The following LMO4 variants were observed in gnomAD, a reference collection of about 807,000 sequenced individuals.
LMO4 encodes the protein LIM domain only 4.
In LMO4, 3 loss-of-function variants were observed where a neutral mutation model predicts 18.5. That is an observed-to-expected ratio of 0.16 (90% confidence interval 0.07 to 0.42). The LOEUF is 0.42. Ranked by LOEUF, LMO4 falls within the 10% of genes least tolerant of loss-of-function variation. The pLI is 0.99. For missense variants in LMO4, 121 were observed against 219.9 expected (o/e 0.55, Z 2.84); for synonymous variants, 100 against 88.1 (o/e 1.14, Z -0.76).
intron 2 of LMO4, among the ~76,000 whole-genome samples, chr1:87,335,255 A>G (rs1444647378): frequency 1.3e-5 from 2 of 152,174 alleles, no homozygotes; most frequent in African/African-American, 4.8e-5. Flanking sequence ...TCGGGCCCGA[A>G]GACTGGCGCG....
chr1:87,339,806 C>T (rs1046089695), intron 3 of LMO4, among the ~76,000 whole-genome samples, 174 bp downstream of exon 3: 2 of 152,162 alleles, frequency 1.3e-5, no homozygotes, highest in African/African-American at 4.8e-5. Context: ...GCACAGACCA[C>T]GCTTCCCCTA....
At chr1:87,343,614 T>A (rs561729855) in intron 4 of LMO4, among the ~76,000 whole-genome samples, 2 of 152,226 alleles carry the variant, frequency 1.3e-5, no homozygotes, top group Non-Finnish European at 1.5e-5. Context: ...CTAGTCTACA[T>A]GTCACTTCGC....
rs1195583841 is a variant in LMO4, at chr1:87,331,912, G to C, written c.-3-101G>C. 21 of 944,366 alleles carry C rather than the reference G, an allele frequency of 2.2e-5. No individual in the cohort carries two copies. The Admixed American group carries it at 4.2e-4, about 19-fold the overall frequency. 58.5% of individuals were successfully genotyped at this position (944,366 alleles called of 1,614,324 possible). A position where few individuals can be genotyped will look rare whatever the true frequency, so the allele number is the denominator to read the frequency against. On this transcript the variant is annotated intron_variant, in intron 1 of 4. Transcript: ENST00000370544. The stretch of plus-strand genomic sequence containing the variant: ...TGCTGTTTCCTTCCAGCAGCTCCGC[G>C]GGGAGGAGGGGAATGGGCTTGCTCT...
chr1:87,348,724 A>ACCCCC lies in LMO4; in HGVS notation c.*3928_*3929insCCCCC. On this transcript the variant is annotated 3_prime_UTR_variant, in exon 5 of 5. Transcript: ENST00000370544. ...AGTGAATACTGTTTTCAGTTGTGCAAGAAGTGCTTTATGCTAGTAGATATG... is the reference window on the plus strand; with the variant it reads ...AGTGAATACTGTTTTCAGTTGTGCAACCCCCGAAGTGCTTTATGCTAGTAGATATG... The ACCCCC allele has an allele frequency of 1.9e-6, 1 of 515,678 alleles. No individual in the cohort carries two copies. The highest frequency in any genetic ancestry group is 3.9e-6 in the Non-Finnish European group (1 of 258,386). The allele number at this position is 515,678 out of a possible 1,614,324, so 31.9% of individuals were successfully genotyped here.
Position 87,340,210 on chromosome 1 carries a change from C to A in LMO4, c.489+8C>A, listed in dbSNP as rs773512146. The A allele has an allele frequency of 6.8e-6, 11 of 1,613,312 alleles. No individual in the cohort carries two copies. The highest frequency in any genetic ancestry group is 2.7e-5 in the African/African-American group (2 of 74,844). ...CTACTGCCAGACCAGAAGGTGAATA[C>A]CCAGCAATTACTAATAAGCTTTATT... On this transcript the variant is annotated splice_region_variant and intron_variant, in intron 4 of 4. Transcript: ENST00000370544.
Position 87,340,215 on chromosome 1 carries a change from C to T in LMO4, c.489+13C>T. ...GCCAGACCAGAAGGTGAATACCCAG[C>T]AATTACTAATAAGCTTTATTAGAGC... is the stretch of plus-strand genomic sequence containing the variant. On this transcript the variant is annotated intron_variant, in intron 4 of 4. Transcript: ENST00000370544. The T allele has an allele frequency of 6.2e-7, 1 of 1,613,206 alleles. No individual in the cohort carries two copies. The highest frequency in any genetic ancestry group is 8.5e-7 in the Non-Finnish European group (1 of 1,179,556).
chr1:87,340,017 G>C (rs906318774), intron 3 of LMO4, 30 bp from the exon 4 acceptor site: 1 of 1,604,520 alleles, frequency 6.2e-7, no homozygotes, highest in Non-Finnish European at 8.5e-7. Context: ...TTTTTACCTT[G>C]TTTTCAGTGG....
At position 87,334,732 on chromosome 1, in the gene LMO4, G is replaced by A. The variant is rs1192633876; in HGVS notation, c.236+2481G>A. 4.6e-5 allele frequency among the ~76,000 whole-genome samples: 7 copies of A among 152,144 alleles called. No individual in the cohort carries two copies. In the East Asian group the frequency reaches 5.8e-4, roughly 13 times the overall value. On this transcript the variant is annotated intron_variant, in intron 2 of 4. Coordinates refer to ENST00000370544, the MANE Select transcript of LMO4 (RefSeq NM_006769.4). ...CGCGGGGGAGGGGGCTGCAAGATGA[G>A]GGGGCGCTTTCACCAGTCCCCTCCC... is the stretch of plus-strand genomic sequence containing the variant.
At chr1:87,338,661 C>G (rs1381369643) in intron 2 of LMO4, among the ~76,000 whole-genome samples, 2 of 152,128 alleles carry the variant, frequency 1.3e-5, no homozygotes, top group East Asian at 3.8e-4. Flanking sequence ...CTTGAGCTTT[C>G]CCCTCCTCTG....
rs1650641078 is a variant in LMO4 at position 87,346,573 on chromosome 1, T to TTA, written c.*1777_*1778insTA. 6.6e-6 allele frequency: 1 copy of TTA among 152,160 alleles called. No homozygotes were observed. Among genetic ancestry groups the TTA allele is most frequent in the Non-Finnish European group, 1.5e-5 (1 of 68,030 alleles). The allele number at this position is 152,160 out of a possible 1,614,324, so 9.4% of individuals were successfully genotyped here. Reference sequence around the variant, plus strand: ...AGCCGTGGAGCCATGTAGAGAGGTGTAGCTCAGCACATCTCAACTACCAGT... The same window carrying TTA: ...AGCCGTGGAGCCATGTAGAGAGGTGTTAAGCTCAGCACATCTCAACTACCAGT... On this transcript the variant is annotated 3_prime_UTR_variant, in exon 5 of 5. Coordinates refer to ENST00000370544, the MANE Select transcript of LMO4 (RefSeq NM_006769.4).
At chr1:87,331,844 CCCTTCT>C in intron 1 of LMO4, 163 bp from the exon 2 acceptor site, 1 of 582,610 alleles carries the variant, frequency 1.7e-6, no homozygotes, top group Non-Finnish European at 3.0e-6. Context: ...CGGCGAGCCT[CCCTTCT>C]TCCCTCTCCC....
At position 87,345,203 on chromosome 1, in the gene LMO4, A is replaced by G. The variant is rs561183835; in HGVS notation, c.*407A>G. On this transcript the variant is annotated 3_prime_UTR_variant, in exon 5 of 5. Transcript: ENST00000370544. ...CTGTGTTTTACCTTAACAACATTCT[A>G]TTTGCTCTTTGTATATTTAAGTGTT... 1.5e-4 allele frequency: 27 copies of G among 174,872 alleles called. No individual in the cohort carries two copies. The South Asian group carries it at 4.0e-3, about 26-fold the overall frequency. 10.8% of individuals were successfully genotyped at this position (174,872 alleles called of 1,614,324 possible).
At chr1:87,342,069 G>A (rs979956009) in intron 4 of LMO4, among the ~76,000 whole-genome samples, 4 of 152,126 alleles carry the variant, frequency 2.6e-5, no homozygotes, top group African/African-American at 2.4e-5. Flanking sequence ...ATTTTTCCCC[G>A]AGTTAGAGCT....
intron 2 of LMO4, 52 bp downstream of exon 2, chr1:87,332,303 C>CA (rs1230928212): frequency 8.0e-6 from 11 of 1,382,986 alleles, no homozygotes; most frequent in Non-Finnish European, 1.1e-5. Context: ...ATGGCAAGGC[C>CA]AAAGGTTAAC....
At chr1:87,334,202 C>T (rs530986847) in intron 2 of LMO4, among the ~76,000 whole-genome samples, 110 of 152,110 alleles carry the variant, frequency 7.2e-4, no homozygotes, top group Non-Finnish European at 1.3e-3. Context: ...TCCTTTTTTC[C>T]CTCTGAATCT....
intron 2 of LMO4, among the ~76,000 whole-genome samples, chr1:87,333,579 A>G (rs1285139680): frequency 2.0e-5 from 3 of 152,216 alleles, no homozygotes; most frequent in Admixed American, 6.5e-5. Context: ...CATTAGTGTA[A>G]GATGATGGAG....
chr1:87,333,547 GAT>G (rs1201402980), intron 2 of LMO4, among the ~76,000 whole-genome samples: 4 of 152,166 alleles, frequency 2.6e-5, no homozygotes, highest in African/African-American at 7.2e-5. Flanking sequence ...GCTGAGTGTG[GAT>G]ATGTTTACCC....
Position 87,348,673 on chromosome 1 carries a change from G to T in LMO4, c.*3877G>T. ...CAATGACAAGTCAGGGCTGATTTTT[G>T]GAAGGTGAACTTGCAACTTACCTCA... is the stretch of plus-strand genomic sequence containing the variant. On this transcript the variant is annotated 3_prime_UTR_variant, in exon 5 of 5. Transcript: ENST00000370544. 2.0e-6 allele frequency: 1 copy of T among 489,188 alleles called. No individual in the cohort carries two copies. The allele number at this position is 489,188 out of a possible 1,614,324, so 30.3% of individuals were successfully genotyped here. A position where few individuals can be genotyped will look rare whatever the true frequency, so the allele number is the denominator to read the frequency against.
intron 4 of LMO4, among the ~76,000 whole-genome samples, chr1:87,341,265 T>C (rs1042900137): frequency 1.4e-4 from 21 of 152,204 alleles, no homozygotes; most frequent in African/African-American, 5.1e-4. Context: ...ACAGATGAAT[T>C]TTAATTTCAG....
Sources: gnomAD v4.1 joint callset for allele counts (sites outside exome capture counted in the v4.1 genomes callset) on GRCh38, gnomAD v4.1.1 for gene constraint, MANE v1.5 for transcripts, NCBI Gene and HGNC (gene_info 2026-07-23, HGNC 2026-07-21) for gene names.